CNTN5: variants seen among roughly 807,000 people sequenced by gnomAD.
CNTN5 encodes the protein contactin 5, also known as contactin-5.
In CNTN5, 77 loss-of-function variants were observed where a neutral mutation model predicts 129.1. The observed-to-expected ratio is 0.60, with a 90% CI of 0.50 to 0.72. CNTN5 has a LOEUF of 0.72. CNTN5 is among the 30% of genes least tolerant of loss of function. The pLI is 0.00. For synonymous variants in CNTN5, 509 were observed against 465.6 expected (o/e 1.09, Z -1.20); for missense variants, 1,478 against 1,328.8 (o/e 1.11, Z -1.75).
chr11:99,556,154 T>C lies in CNTN5; in HGVS notation c.-61T>C. 1.0e-6 allele frequency: 1 copy of C among 986,750 alleles called. No homozygotes were observed. The allele number at this position is 986,750 out of a possible 1,614,324, so 61.1% of individuals were successfully genotyped here. A position where few individuals can be genotyped will look rare whatever the true frequency, so the allele number is the denominator to read the frequency against. On this transcript the variant is annotated 5_prime_UTR_variant, in exon 3 of 25. The change abolishes the stop of an existing upstream ORF in the 5' untranslated region. Coordinates refer to ENST00000524871, the MANE Select transcript of CNTN5 (RefSeq NM_014361.4). Reference sequence around the variant, plus strand: ...TATCTATCTCAAACAGGGCACTCTTTAATGAAGAAACACCAGAGCTGTTAA... The same window carrying C: ...TATCTATCTCAAACAGGGCACTCTTCAATGAAGAAACACCAGAGCTGTTAA...
intron 20 of CNTN5, among the ~76,000 whole-genome samples, chr11:100,307,213 C>A (rs1175529608): frequency 6.6e-6 from 1 of 151,348 alleles, no homozygotes; most frequent in African/African-American, 2.4e-5. Context: ...AGAACTCAAT[C>A]TTTGCTATAT....
intron 8 of CNTN5, among the ~76,000 whole-genome samples, chr11:99,979,431 A>G (rs868282697): frequency 6.6e-6 from 1 of 152,196 alleles, no homozygotes; most frequent in Non-Finnish European, 1.5e-5. Context: ...CAGAGGGAAA[A>G]ACATACAAAG....
chr11:99,837,684 T>TAAA (rs34378760), intron 4 of CNTN5, among the ~76,000 whole-genome samples: 3 of 112,598 alleles, frequency 2.7e-5, no homozygotes, highest in Non-Finnish European at 3.6e-5. Flanking sequence ...CACACATGAG[T>TAAA]AAAAAAAAAA....
At chr11:99,289,603 G>A (rs1864082879) in intron 1 of CNTN5, among the ~76,000 whole-genome samples, 1 of 151,570 alleles carries the variant, frequency 6.6e-6, no homozygotes, top group Non-Finnish European at 1.5e-5. Context: ...TCCAAATTAT[G>A]ACCATTCTAC....
At chr11:99,858,670 GT>G (rs779054818) in intron 6 of CNTN5, among the ~76,000 whole-genome samples, 1 of 149,820 alleles carries the variant, frequency 6.7e-6, no homozygotes, top group African/African-American at 2.4e-5. Context: ...GTTTTCGAGA[GT>G]TTTTTTAAAG....
At chr11:99,412,936 G>A (rs1942465764) in intron 2 of CNTN5, among the ~76,000 whole-genome samples, 1 of 152,164 alleles carries the variant, frequency 6.6e-6, no homozygotes, top group Admixed American at 6.5e-5. Flanking sequence ...TATTACCAGA[G>A]TACATCACCA....
At chr11:99,708,979 A>C (rs1954863202) in intron 3 of CNTN5, among the ~76,000 whole-genome samples, 1 of 151,782 alleles carries the variant, frequency 6.6e-6, no homozygotes, top group African/African-American at 2.4e-5. Flanking sequence ...ATTCACATTC[A>C]TCTTCCTTGC....
chr11:99,171,484 G>A (rs780696019), intron 1 of CNTN5, among the ~76,000 whole-genome samples: 4 of 152,056 alleles, frequency 2.6e-5, no homozygotes, highest in Non-Finnish European at 4.4e-5. Context: ...CATGTAACAC[G>A]TACTCCAGTT....
intron 2 of CNTN5, among the ~76,000 whole-genome samples, chr11:99,437,809 C>T (rs1029702989): frequency 2.6e-5 from 4 of 151,940 alleles, no homozygotes; most frequent in Admixed American, 6.6e-5. Context: ...GGCAAAAAAG[C>T]GAAACAACAT....
At chr11:99,737,909 A>G (rs1565477532) in intron 3 of CNTN5, among the ~76,000 whole-genome samples, 1 of 152,148 alleles carries the variant, frequency 6.6e-6, no homozygotes, top group Admixed American at 6.5e-5. Context: ...AGTGATTACC[A>G]TGAACTATAT....
rs1235546142 is a variant in CNTN5 at position 99,971,564 on chromosome 11, AC to A, written c.877+14556del. On this transcript the variant is annotated intron_variant, in intron 8 of 24. Transcript: ENST00000524871. The stretch of plus-strand genomic sequence containing the variant: ...CACACACATTAAAAACAAAAAACAA[AC>A]AAACAAAAAACTCTACAAAATAATC... Among the ~76,000 whole-genome samples the A allele has an allele frequency of 1.3e-4, 19 of 150,922 alleles. 1 individual carries two copies. The highest frequency in any genetic ancestry group is 3.9e-4 in the African/African-American group (16 of 40,910).
chr11:99,247,900 T>C (rs2135781078), intron 1 of CNTN5, among the ~76,000 whole-genome samples: 1 of 152,300 alleles, frequency 6.6e-6, no homozygotes, highest in Middle Eastern at 3.4e-3. Flanking sequence ...TTTGCTATTG[T>C]GAATAGTGCC....
intron 3 of CNTN5, among the ~76,000 whole-genome samples, chr11:99,579,310 TG>T (rs1453438928): frequency 7.3e-5 from 11 of 150,682 alleles, no homozygotes; most frequent in Non-Finnish European, 1.0e-4. Context: ...CTTGGCGATG[TG>T]GGCTCTTTTT....
Position 100,049,094 on chromosome 11 carries a change from A to C in CNTN5, c.981-12118A>C, listed in dbSNP as rs975882461. On this transcript the variant is annotated intron_variant, in intron 9 of 24. Transcript: ENST00000524871. ...AAATTATTTAGATTGCAGGAAATGT[A>C]ATACTGTTTTAAAACTCCACAAAAA... Among the ~76,000 whole-genome samples the C allele has an allele frequency of 2.0e-5, 3 of 152,292 alleles. No individual in the cohort carries two copies. The East Asian group carries it at 5.8e-4, about 29-fold the overall frequency.
At chr11:99,219,680 A>G (rs1458468356) in intron 1 of CNTN5, among the ~76,000 whole-genome samples, 1 of 147,564 alleles carries the variant, frequency 6.8e-6, no homozygotes, top group African/African-American at 2.5e-5. Context: ...AAAAAAAACT[A>G]TTGCAGGATT....
intron 1 of CNTN5, among the ~76,000 whole-genome samples, chr11:99,054,618 A>G (rs146352778): frequency 1.8e-3 from 271 of 151,906 alleles, no homozygotes; most frequent in African/African-American, 6.3e-3. Flanking sequence ...GGATTAGTAC[A>G]AGCTAATCCA....
In CNTN5 at chr11:100,148,871, A is replaced by T. The variant is rs573744915; in HGVS notation, c.1581-42255A>T. The stretch of plus-strand genomic sequence containing the variant: ...GTAGTGCGGTTCTTATTTAGTAATA[A>T]ATATTTTGGCAGCATGAGCTAACAA... On this transcript the variant is annotated intron_variant, in intron 13 of 24. Coordinates refer to ENST00000524871, the MANE Select transcript of CNTN5 (RefSeq NM_014361.4). Among the ~76,000 whole-genome samples, 141 of 152,250 alleles carry T rather than the reference A, an allele frequency of 9.3e-4. 1 individual carries two copies. The highest frequency in any genetic ancestry group is 6.8e-3 in the Middle Eastern group (2 of 294).
intron 1 of CNTN5, among the ~76,000 whole-genome samples, chr11:99,313,102 G>T (rs1172594513): frequency 6.7e-6 from 1 of 150,104 alleles, no homozygotes; most frequent in Non-Finnish European, 1.5e-5. Context: ...CGCAATCCAA[G>T]ATTTGAAGTT....
intron 2 of CNTN5, among the ~76,000 whole-genome samples, chr11:99,436,244 T>C (rs1943594767): frequency 6.6e-6 from 1 of 152,156 alleles, no homozygotes; most frequent in South Asian, 2.1e-4. Context: ...ACAAACGTTA[T>C]TTTAATTACT....
Sources: gnomAD v4.1 joint callset for allele counts (sites outside exome capture counted in the v4.1 genomes callset) on GRCh38, gnomAD v4.1.1 for gene constraint, MANE v1.5 for transcripts, NCBI Gene and HGNC (gene_info 2026-07-23, HGNC 2026-07-21) for gene names.